BIN2: variants seen among roughly 807,000 people sequenced by gnomAD.
BIN2 encodes the protein breast cancer associated protein BRAP1.
In BIN2, 43 loss-of-function variants were observed where a neutral mutation model predicts 67.9. That is an observed-to-expected ratio of 0.63 (90% CI 0.50 to 0.82). The LOEUF is 0.82. BIN2 is among the 40% of genes least tolerant of loss of function. The pLI, the probability that BIN2 is intolerant of heterozygous loss-of-function variation, is 0.00. For synonymous variants in BIN2, 244 were observed against 246.8 expected, an observed-to-expected ratio of 0.99 and a Z score of 0.11; for missense variants, 581 against 671.6, an observed-to-expected ratio of 0.87 and a Z score of 1.49.
chr12:51,310,159 A>G (rs561576239), intron 2 of BIN2, among the ~76,000 whole-genome samples: 13 of 152,228 alleles, frequency 8.5e-5, no homozygotes, highest in Middle Eastern at 3.2e-3. Flanking sequence ...TATTCTTGCC[A>G]TCAAAACAAA....
At chr12:51,290,343 G>C (rs1413370560) in intron 10 of BIN2, among the ~76,000 whole-genome samples, 1 of 151,410 alleles carries the variant, frequency 6.6e-6, no homozygotes, top group Non-Finnish European at 1.5e-5. Flanking sequence ...TGGCCAGGCT[G>C]GTCTCGAACT....
chr12:51,284,003 A>AAAG (rs1433501436), intron 12 of BIN2, among the ~76,000 whole-genome samples: 7 of 151,686 alleles, frequency 4.6e-5, no homozygotes, highest in Non-Finnish European at 1.0e-4. Flanking sequence ...CAAAAAAAAA[A>AAAG]AAAAGAAAAG....
Position 51,291,903 on chromosome 12 carries a change from T to C in BIN2, c.1203A>G (p.Pro401=). The C allele has an allele frequency of 6.2e-7, 1 of 1,614,184 alleles. No individual in the cohort carries two copies. The change falls in exon 10 of 13, where the codon CCA becomes CCG. Residue 401 remains proline, a synonymous_variant. Transcript: ENST00000615107. Reference sequence around the variant, plus strand: ...TCCTCTGGATAGAGGCTCTCTTCTTTGGTTGTTCAGATCCTTCACTTGCGG... The same window carrying C: ...TCCTCTGGATAGAGGCTCTCTTCTTCGGTTGTTCAGATCCTTCACTTGCGG... ...TRTASEGSEQ[P]KKRASIQRTS... is the part of the protein sequence containing the mutation.
At chr12:51,294,350 C>T (rs773950879) in intron 9 of BIN2, among the ~76,000 whole-genome samples, 1 of 152,114 alleles carries the variant, frequency 6.6e-6, no homozygotes, top group African/African-American at 2.4e-5. Flanking sequence ...GGGCGGATCA[C>T]GAGGTCAGAA....
intron 12 of BIN2, 127 bp from the exon 13 acceptor site, chr12:51,281,655 A>G: frequency 1.1e-6 from 1 of 915,850 alleles, no homozygotes; most frequent in Non-Finnish European, 1.8e-6. Context: ...CTCTTGAGGG[A>G]GGCAATGTGA....
chr12:51,293,294 C>G (rs2359450), intron 9 of BIN2, among the ~76,000 whole-genome samples: 2 of 150,716 alleles, frequency 1.3e-5, no homozygotes, highest in South Asian at 2.1e-4. Context: ...CAAAAAAAAA[C>G]CACCTTATTT....
chr12:51,319,381 T>C (rs779545549), intron 1 of BIN2, among the ~76,000 whole-genome samples: 8 of 152,226 alleles, frequency 5.3e-5, no homozygotes, highest in Non-Finnish European at 1.2e-4. Context: ...TTTGTTGCCA[T>C]AAGCAACAGG....
intron 2 of BIN2, among the ~76,000 whole-genome samples, chr12:51,305,844 T>TC: frequency 7.3e-6 from 1 of 137,730 alleles, no homozygotes; most frequent in Non-Finnish European, 1.6e-5. Context: ...TTTTTTTTTT[T>TC]TTTTTTTGAG....
At chr12:51,294,523 T>C (rs1945480507) in intron 9 of BIN2, among the ~76,000 whole-genome samples, 1 of 148,900 alleles carries the variant, frequency 6.7e-6, no homozygotes, top group Non-Finnish European at 1.5e-5. Flanking sequence ...GCCAAGATTG[T>C]GCCATTGCAC....
rs751175113 is a variant in BIN2 at position 51,324,076 on chromosome 12, C to T, written c.27G>A (p.Ala9=). The change falls in exon 1 of 13, where the codon GCG becomes GCA. Residue 9 remains alanine (A), a synonymous_variant. Transcript: ENST00000615107. MAEGKAGG[A]AGLFAKQVQK... Reference sequence around the variant, plus strand: ...GCACCTGCTTGGCGAAGAGGCCGGCCGCGCCGCCTGCCTTGCCCTCTGCCA... The same window carrying T: ...GCACCTGCTTGGCGAAGAGGCCGGCTGCGCCGCCTGCCTTGCCCTCTGCCA... 1.2e-6 allele frequency: 2 copies of T among 1,613,460 alleles called. No homozygotes were observed. The highest frequency in any genetic ancestry group is 8.5e-7 in the Non-Finnish European group (1 of 1,179,684).
chr12:51,293,531 C>G (rs1229620974), intron 9 of BIN2, among the ~76,000 whole-genome samples: 3 of 152,088 alleles, frequency 2.0e-5, no homozygotes, highest in Non-Finnish European at 4.4e-5. Context: ...CCAGGATGGT[C>G]TCGATCTCTT....
At chr12:51,307,400 T>TA (rs1352320228) in intron 2 of BIN2, among the ~76,000 whole-genome samples, 1 of 151,358 alleles carries the variant, frequency 6.6e-6, no homozygotes, top group Non-Finnish European at 1.5e-5. Flanking sequence ...AATAAAGTAA[T>TA]AAAAACTGTT....
chr12:51,299,085 A>G, intron 7 of BIN2, 118 bp downstream of exon 7: 1 of 681,546 alleles, frequency 1.5e-6, no homozygotes, highest in Non-Finnish European at 2.4e-6. Flanking sequence ...GAAAAAAAAA[A>G]AAAGGGGGCG....
At chr12:51,323,224 G>A (rs1037899005) in intron 1 of BIN2, 2 of 152,246 alleles carry the variant, frequency 1.3e-5, no homozygotes, top group Non-Finnish European at 2.9e-5. Context: ...GGTAGGTGGA[G>A]AGCAGAGGCT....
chr12:51,324,515 T>C, upstream of BIN2: 1 of 1,531,092 alleles, frequency 6.5e-7, no homozygotes, highest in East Asian at 2.5e-5. Flanking sequence ...GGACCTACCA[T>C]ATCGAAAACA....
intron 7 of BIN2, among the ~76,000 whole-genome samples, chr12:51,298,321 G>A (rs778997662): frequency 6.0e-4 from 91 of 152,194 alleles, no homozygotes; most frequent in African/African-American, 9.9e-4. Flanking sequence ...GCAGCGAGCC[G>A]AGATTGTGCC....
rs1945760907 is a variant in BIN2 at position 51,302,718 on chromosome 12, C to T, written c.280G>A (p.Asp94Asn). Residue 94 changes from aspartate (D) to asparagine (N), a missense_variant, in exon 4 of 13, where the codon GAC becomes AAC. Coordinates refer to ENST00000615107, the MANE Select transcript of BIN2 (RefSeq NM_016293.4). Reference protein sequence around the residue: ...TLQEIYSSEWDGHEELKAIVW... With the variant: ...TLQEIYSSEWNGHEELKAIVW... ...ATGGCCTTCAGCTCCTCATGACCGT[C>T]CCACTCGCTGCTGTAGATCTCCTGC... The T allele has an allele frequency of 6.2e-7, 1 of 1,614,042 alleles. No individual in the cohort carries two copies. Among genetic ancestry groups the T allele is most frequent in the African/African-American group, 1.3e-5 (1 of 74,940 alleles).
intron 1 of BIN2, among the ~76,000 whole-genome samples, chr12:51,315,178 T>TC (rs1565689058): frequency 6.6e-6 from 1 of 151,792 alleles, no homozygotes; most frequent in African/African-American, 2.4e-5. Flanking sequence ...ATTATTATTT[T>TC]TTTTTTTTTG....
chr12:51,288,678 GT>G (rs1191714574), intron 10 of BIN2, among the ~76,000 whole-genome samples: 1 of 151,678 alleles, frequency 6.6e-6, no homozygotes, highest in Non-Finnish European at 1.5e-5. Context: ...AATAAATCTT[GT>G]TGCCATCTAG....
Sources: allele counts gnomAD v4.1 joint callset (sites outside exome capture counted in the v4.1 genomes callset), GRCh38; gene constraint gnomAD v4.1.1; transcripts MANE v1.5; gene names NCBI Gene and HGNC (gene_info 2026-07-23, HGNC 2026-07-21).